ADAMTS17: variants seen among roughly 807,000 people sequenced by gnomAD.
ADAMTS17 encodes the protein A disintegrin and metalloproteinase with thrombospondin motifs 17.
Under a neutral mutation model 141.5 loss-of-function variants are expected in ADAMTS17, and 113 were observed. That is an observed-to-expected ratio of 0.80 (90% CI 0.69 to 0.93). The LOEUF (loss-of-function observed/expected upper bound fraction) is 0.93. ADAMTS17 is among the 40% of genes least tolerant of loss of function. The pLI is 0.00. For synonymous variants in ADAMTS17, 768 were observed against 630.6 expected, an observed-to-expected ratio of 1.22 and a Z score of -3.27; for missense variants, 1,659 against 1,517.9, an observed-to-expected ratio of 1.09 and a Z score of -1.54.
chr15:99,996,501 T>G (rs2141343134), intron 19 of ADAMTS17, among the ~76,000 whole-genome samples: 1 of 152,310 alleles, frequency 6.6e-6, no homozygotes, highest in East Asian at 1.9e-4. Context: ...TAAAATATCA[T>G]AAAATGTAGG....
At chr15:100,099,826 A>G (rs980764575) in intron 14 of ADAMTS17, among the ~76,000 whole-genome samples, 1 of 152,202 alleles carries the variant, frequency 6.6e-6, no homozygotes, top group African/African-American at 2.4e-5. Context: ...AAACATGCAG[A>G]AAGTGCTTGG....
chr15:100,119,081 C>G (rs1003425399), intron 12 of ADAMTS17, among the ~76,000 whole-genome samples: 8 of 152,074 alleles, frequency 5.3e-5, no homozygotes, highest in Admixed American at 4.6e-4. Flanking sequence ...CAGAGAGACA[C>G]ACAAAGAATG....
intron 18 of ADAMTS17, among the ~76,000 whole-genome samples, chr15:100,041,833 C>T (rs1011350164): frequency 6.6e-6 from 1 of 151,698 alleles, no homozygotes; most frequent in Non-Finnish European, 1.5e-5. Flanking sequence ...GTCAGGAACT[C>T]AATGGAAAAA....
intron 15 of ADAMTS17, among the ~76,000 whole-genome samples, chr15:100,069,070 C>A (rs1018192204): frequency 6.6e-6 from 1 of 152,166 alleles, no homozygotes; most frequent in African/African-American, 2.4e-5. Flanking sequence ...AGCTGAAAAC[C>A]AAGCCATGAG....
chr15:100,197,465 T>C (rs867039145), intron 8 of ADAMTS17, among the ~76,000 whole-genome samples: 3 of 152,328 alleles, frequency 2.0e-5, no homozygotes, highest in East Asian at 1.9e-4. Context: ...TTCTGATTTA[T>C]GCTTTTTTTC....
chr15:100,073,530 T>C (rs894426830), intron 15 of ADAMTS17, among the ~76,000 whole-genome samples: 4 of 151,736 alleles, frequency 2.6e-5, no homozygotes, highest in African/African-American at 9.7e-5. Flanking sequence ...CCAATAATGA[T>C]AGACTGGATT....
At chr15:100,300,152 C>A (rs971723125) in intron 3 of ADAMTS17, among the ~76,000 whole-genome samples, 4 of 152,090 alleles carry the variant, frequency 2.6e-5, no homozygotes, top group Admixed American at 2.6e-4. Flanking sequence ...CCAACATGCC[C>A]AGGGCTGTTT....
chr15:100,173,459 T>A (rs997217016), intron 8 of ADAMTS17, among the ~76,000 whole-genome samples: 1 of 152,138 alleles, frequency 6.6e-6, no homozygotes, highest in Non-Finnish European at 1.5e-5. Flanking sequence ...AACCACCTGG[T>A]AGACAAGGCA....
At chr15:100,340,917 T>C (rs1412597021) in intron 2 of ADAMTS17, 122 bp downstream of exon 2, 4 of 1,406,326 alleles carry the variant, frequency 2.8e-6, no homozygotes, top group Non-Finnish European at 3.8e-6. Context: ...AGGCAGGGGG[T>C]TCCCTCCGGT....
intron 14 of ADAMTS17, among the ~76,000 whole-genome samples, chr15:100,105,524 G>A (rs966587169): frequency 1.3e-5 from 2 of 152,112 alleles, no homozygotes; most frequent in African/African-American, 2.4e-5. Flanking sequence ...CATCTGCAAT[G>A]GACTGGATGT....
chr15:100,245,250 C>A (rs1377109327), intron 7 of ADAMTS17, among the ~76,000 whole-genome samples: 1 of 152,238 alleles, frequency 6.6e-6, no homozygotes, highest in African/African-American at 2.4e-5. Context: ...TCAGAATCCC[C>A]TCGCAGGCAG....
At chr15:100,323,795 G>T (rs565889036) in intron 3 of ADAMTS17, among the ~76,000 whole-genome samples, 6 of 152,148 alleles carry the variant, frequency 3.9e-5, no homozygotes, top group Non-Finnish European at 7.4e-5. Flanking sequence ...ATAAATGCAA[G>T]CTGCACAGCA....
intron 8 of ADAMTS17, among the ~76,000 whole-genome samples, chr15:100,191,775 T>C (rs1471297059): frequency 6.6e-6 from 1 of 152,140 alleles, no homozygotes; most frequent in Non-Finnish European, 1.5e-5. Flanking sequence ...TGCTTTTATT[T>C]GTGTGAGAGA....
chr15:100,068,934 CA>C (rs1250527824), intron 15 of ADAMTS17, among the ~76,000 whole-genome samples: 1 of 152,180 alleles, frequency 6.6e-6, no homozygotes, highest in Non-Finnish European at 1.5e-5. Flanking sequence ...TTCAGATGAT[CA>C]AACTACTCCG....
At chr15:100,216,310 C>G (rs889307229) in intron 7 of ADAMTS17, among the ~76,000 whole-genome samples, 2 of 152,190 alleles carry the variant, frequency 1.3e-5, no homozygotes, top group Non-Finnish European at 2.9e-5. Flanking sequence ...ATTTCTCAAG[C>G]CAAAACTCTG....
intron 15 of ADAMTS17, among the ~76,000 whole-genome samples, chr15:100,077,824 C>T (rs1166166061): frequency 2.6e-5 from 4 of 152,154 alleles, no homozygotes; most frequent in Non-Finnish European, 5.9e-5. Context: ...GTAAAATTAT[C>T]TCTATTTGCA....
At chr15:100,285,731 T>C (rs2044425458) in intron 3 of ADAMTS17, among the ~76,000 whole-genome samples, 1 of 152,132 alleles carries the variant, frequency 6.6e-6, no homozygotes, top group Non-Finnish European at 1.5e-5. Context: ...GGAGAGCTGC[T>C]GAGAGAGGTG....
At chr15:100,046,100 C>G (rs113754172) in intron 18 of ADAMTS17, among the ~76,000 whole-genome samples, 5 of 152,278 alleles carry the variant, frequency 3.3e-5, no homozygotes, top group Middle Eastern at 3.4e-3. Flanking sequence ...AGGCTGATCT[C>G]GTACTCCTGA....
At chr15:100,218,104 C>G (rs1018353464) in intron 7 of ADAMTS17, among the ~76,000 whole-genome samples, 19 of 152,184 alleles carry the variant, frequency 1.2e-4, no homozygotes, top group African/African-American at 4.6e-4. Context: ...AACTCCTGGG[C>G]TCAAGTGATC....
Sources: gnomAD v4.1 joint callset for allele counts (sites outside exome capture counted in the v4.1 genomes callset) on GRCh38, gnomAD v4.1.1 for gene constraint, MANE v1.5 for transcripts, NCBI Gene and HGNC (gene_info 2026-07-23, HGNC 2026-07-21) for gene names.